Variants in DCAF6 observed in about 807,000 individuals in gnomAD.
DCAF6 encodes the protein DDB1 and CUL4 associated factor 6, also known as DDB1- and CUL4-associated factor 6.
In DCAF6, 54 loss-of-function variants were observed where a neutral mutation model predicts 125.1. That is an observed-to-expected ratio of 0.43 (90% CI 0.35 to 0.54). The LOEUF (loss-of-function observed/expected upper bound fraction) is 0.54, where lower values mean the gene tolerates loss of function less well. Among genes scored for constraint, DCAF6 ranks in the 20% least tolerant of loss-of-function variants. DCAF6 has a pLI of 0.01. For missense variants in DCAF6, 934 were observed against 1,161.7 expected (o/e 0.80, Z 2.85); for synonymous variants, 371 against 390.4 (o/e 0.95, Z 0.58).
chr1:167,996,021 C>A (rs545978618), intron 7 of DCAF6, among the ~76,000 whole-genome samples: 224 of 152,200 alleles, frequency 1.5e-3, no homozygotes, highest in Middle Eastern at 3.4e-3. Context: ...ATAAGTAGAA[C>A]AAAGTAGGGA....
the DCAF6 span, among the ~76,000 whole-genome samples, chr1:167,892,028 C>A: frequency 2.0e-5 from 3 of 150,084 alleles, no homozygotes; most frequent in South Asian, 6.3e-4. Context: ...GGCTGGAGTG[C>A]AGTGGAGCAA....
chr1:167,947,846 T>C (rs1219309534), intron 1 of DCAF6, among the ~76,000 whole-genome samples: 2 of 152,186 alleles, frequency 1.3e-5, no homozygotes, highest in Non-Finnish European at 2.9e-5. Context: ...TATTCTGCAG[T>C]TGTTGGATAG....
chr1:168,051,995 C>T (rs1690002701), intron 17 of DCAF6, among the ~76,000 whole-genome samples: 1 of 152,124 alleles, frequency 6.6e-6, no homozygotes, highest in Non-Finnish European at 1.5e-5. Context: ...ATTTTCCCGC[C>T]TCAGCCTCCT....
chr1:167,932,463 T>G (rs911341007), upstream of DCAF6, among the ~76,000 whole-genome samples: 1 of 152,120 alleles, frequency 6.6e-6, no homozygotes, highest in Non-Finnish European at 1.5e-5. Context: ...CAAATACAAA[T>G]AAATGACACT....
intron 7 of DCAF6, chr1:167,998,839 T>G (rs1258012770): frequency 6.5e-6 from 1 of 152,774 alleles, no homozygotes; most frequent in Non-Finnish European, 1.5e-5. Flanking sequence ...AGTGACTTCC[T>G]CTACTGAAGT....
intron 12 of DCAF6, among the ~76,000 whole-genome samples, chr1:168,027,377 A>G (rs1686476021): frequency 1.3e-5 from 2 of 152,128 alleles, no homozygotes; most frequent in Non-Finnish European, 1.5e-5. Context: ...CAGATATGCT[A>G]TTATTTCAAA....
chr1:167,877,070 A>G, the DCAF6 span, among the ~76,000 whole-genome samples: 5 of 152,002 alleles, frequency 3.3e-5, no homozygotes, highest in Non-Finnish European at 7.4e-5. Context: ...TGAGAAAAAT[A>G]AATGTTTATT....
the DCAF6 span, among the ~76,000 whole-genome samples, chr1:167,888,178 T>C: frequency 6.6e-6 from 1 of 152,234 alleles, no homozygotes; most frequent in Non-Finnish European, 1.5e-5. Context: ...TGGGTTGCTA[T>C]AGCTGTGGTA....
At chr1:167,982,386 C>G (rs767292399) in intron 4 of DCAF6, among the ~76,000 whole-genome samples, 1 of 152,030 alleles carries the variant, frequency 6.6e-6, no homozygotes, top group Non-Finnish European at 1.5e-5. Flanking sequence ...GGACTATAGG[C>G]GCATGCAACC....
chr1:167,959,802 CTGTCT>C (rs764684413), intron 2 of DCAF6, among the ~76,000 whole-genome samples: 1 of 152,110 alleles, frequency 6.6e-6, no homozygotes, highest in South Asian at 2.1e-4. Flanking sequence ...AGTATTTCCC[CTGTCT>C]TGTCTTCTTG....
chr1:168,025,997 C>T (rs781615672), intron 12 of DCAF6, among the ~76,000 whole-genome samples: 43 of 152,282 alleles, frequency 2.8e-4, no homozygotes, highest in Admixed American at 8.5e-4. Context: ...ACAGGCTGTA[C>T]ATCTCTTGTA....
intron 1 of DCAF6, among the ~76,000 whole-genome samples, chr1:167,943,866 TCTCA>T (rs917114439): frequency 2.0e-5 from 3 of 151,990 alleles, no homozygotes; most frequent in African/African-American, 7.3e-5. Flanking sequence ...TGAGATGGAG[TCTCA>T]CTCTGTCGCC....
the DCAF6 span, among the ~76,000 whole-genome samples, chr1:167,930,652 C>G: frequency 2.0e-5 from 3 of 152,188 alleles, no homozygotes; most frequent in Non-Finnish European, 4.4e-5. Context: ...GAGGCACTTA[C>G]AAGTTAAGTA....
intron 2 of DCAF6, among the ~76,000 whole-genome samples, chr1:167,955,443 GT>G (rs879890274): frequency 0.011 from 1,561 of 138,138 alleles, 13 homozygotes; most frequent in African/African-American, 0.03. Context: ...GGTGTGGTCA[GT>G]TTTTTTTTTT....
intron 16 of DCAF6, among the ~76,000 whole-genome samples, chr1:168,045,977 A>G (rs1689113900): frequency 6.6e-6 from 1 of 152,064 alleles, no homozygotes; most frequent in African/African-American, 2.4e-5. Flanking sequence ...TTTACAAAGG[A>G]GTGAGATTCT....
the DCAF6 span, among the ~76,000 whole-genome samples, chr1:167,897,294 T>G: frequency 6.8e-6 from 1 of 147,904 alleles, no homozygotes; most frequent in East Asian, 2.0e-4. Flanking sequence ...GAGACCAGCC[T>G]GGGTAACAAT....
At chr1:167,873,857 T>C in the DCAF6 span, among the ~76,000 whole-genome samples, 1 of 152,208 alleles carries the variant, frequency 6.6e-6, no homozygotes, top group Non-Finnish European at 1.5e-5. Context: ...TACATTAAAG[T>C]TAAGAATTCT....
chr1:167,968,990 C>T (rs1181748306), intron 3 of DCAF6, among the ~76,000 whole-genome samples: 1 of 151,770 alleles, frequency 6.6e-6, no homozygotes, highest in African/African-American at 2.4e-5. Flanking sequence ...AGAAGAGTTC[C>T]ATGAAAATTT....
At chr1:167,912,282 T>G in the DCAF6 span, among the ~76,000 whole-genome samples, 6 of 152,218 alleles carry the variant, frequency 3.9e-5, no homozygotes, top group African/African-American at 1.4e-4. Context: ...TTGTAAAGCC[T>G]TGGCTCTTAG....
Sources: gnomAD v4.1 joint callset for allele counts (sites outside exome capture counted in the v4.1 genomes callset) on GRCh38, gnomAD v4.1.1 for gene constraint, MANE v1.5 for transcripts, NCBI Gene and HGNC (gene_info 2026-07-23, HGNC 2026-07-21) for gene names.